TTC27: variants seen among roughly 807,000 people sequenced by gnomAD.
TTC27 encodes the protein tetratricopeptide repeat domain 27.
Under a neutral mutation model 115.9 loss-of-function variants are expected in TTC27, and 79 were observed. That is an observed-to-expected ratio of 0.68 (90% confidence interval 0.57 to 0.82). TTC27 has a LOEUF of 0.82. Among genes scored for constraint, TTC27 ranks in the 40% least tolerant of loss-of-function variants. The pLI is 0.00. For missense variants in TTC27, 1,054 were observed against 993.1 expected, an observed-to-expected ratio of 1.06 and a Z score of -0.82; for synonymous variants, 401 against 356.0, an observed-to-expected ratio of 1.13 and a Z score of -1.42.
intron 3 of TTC27, among the ~76,000 whole-genome samples, chr2:32,634,855 C>T (rs920286818): frequency 2.0e-5 from 3 of 151,548 alleles, no homozygotes; most frequent in African/African-American, 7.3e-5. Context: ...TGGGGTTTCT[C>T]CATGTTGGCC....
intron 10 of TTC27, among the ~76,000 whole-genome samples, chr2:32,716,546 T>C (rs2151907940): frequency 6.6e-6 from 1 of 152,332 alleles, no homozygotes; most frequent in South Asian, 2.1e-4. Context: ...ACTTTTTAGA[T>C]AGAATCTGTT....
chr2:32,820,782 T>G, intron 19 of TTC27, 34 bp from the exon 20 acceptor site: 1 of 1,502,376 alleles, frequency 6.7e-7, no homozygotes, highest in Non-Finnish European at 8.9e-7. Context: ...ATTTGTGTTG[T>G]TTTAATACTT....
rs115952228 is a variant in TTC27 at position 32,734,221 on chromosome 2, G to A, written c.1329+298G>A. ...TAACTTCTTTTTTTTTAAGGGATGA[G>A]GTCTTGCTTTACTGTACAGGTTGGA... On this transcript the variant is annotated intron_variant, in intron 11 of 19. Coordinates refer to ENST00000317907, the MANE Select transcript of TTC27 (RefSeq NM_017735.5). Among the ~76,000 whole-genome samples, 1,436 of 151,972 alleles carry A rather than the reference G, an allele frequency of 9.4e-3. 12 individuals are homozygous for A. The highest frequency in any genetic ancestry group is 0.024 in the Middle Eastern group (7 of 294).
intron 4 of TTC27, among the ~76,000 whole-genome samples, chr2:32,642,995 C>T (rs921730427): frequency 6.7e-5 from 10 of 149,962 alleles, no homozygotes; most frequent in East Asian, 2.0e-4. Context: ...TTTGAGACAG[C>T]GTCTTGCTCT....
chr2:32,709,836 T>G (rs1667515589), intron 10 of TTC27, among the ~76,000 whole-genome samples: 1 of 152,222 alleles, frequency 6.6e-6, no homozygotes, highest in Non-Finnish European at 1.5e-5. Context: ...GATTAGCATC[T>G]TCAATTATGG....
At chr2:32,676,525 T>C (rs2151886717) in intron 8 of TTC27, among the ~76,000 whole-genome samples, 1 of 145,044 alleles carries the variant, frequency 6.9e-6, no homozygotes, top group Non-Finnish European at 1.5e-5. Context: ...GGATTCTTGC[T>C]CTGTTGCCCA....
At chr2:32,745,054 CAAAAAAAAAAAAA>C (rs57044153) in intron 12 of TTC27, among the ~76,000 whole-genome samples, 3 of 49,884 alleles carry the variant, frequency 6.0e-5, no homozygotes, top group Admixed American at 3.3e-4. Context: ...AACTCTGTCT[CAAAAAAAAAAAAA>C]AAAAAAAAAA....
chr2:32,733,786 A>G, intron 10 of TTC27, 42 bp from the exon 11 acceptor site: 1 of 1,260,150 alleles, frequency 7.9e-7, no homozygotes, highest in Non-Finnish European at 1.1e-6. Context: ...TTATATTATA[A>G]GTTATACATA....
At chr2:32,778,579 T>C (rs536204597) in intron 14 of TTC27, among the ~76,000 whole-genome samples, 66 of 152,342 alleles carry the variant, frequency 4.3e-4, no homozygotes, top group African/African-American at 1.5e-3. Context: ...GAACATTTCA[T>C]ATAAATGGAT....
chr2:32,697,326 T>C (rs1461893975), intron 9 of TTC27, among the ~76,000 whole-genome samples: 2 of 152,256 alleles, frequency 1.3e-5, no homozygotes, highest in Admixed American at 6.5e-5. Flanking sequence ...AACTCTGTGC[T>C]TATTTAACCT....
In TTC27 at chr2:32,762,877, T is replaced by A. The variant is rs1669494400; in HGVS notation, c.1680+4358T>A. Among the ~76,000 whole-genome samples, 4 of 152,268 alleles carry A rather than the reference T, an allele frequency of 2.6e-5. No homozygotes were observed. In the South Asian group the frequency reaches 8.3e-4, roughly 32 times the overall value. On this transcript the variant is annotated intron_variant, in intron 13 of 19. Coordinates refer to ENST00000317907, the MANE Select transcript of TTC27 (RefSeq NM_017735.5). ...GGCTGGTCTTGAACTCCTGACCTTG[T>A]GATCCGCCCGCCTCGGTCTCCCAAA...
chr2:32,740,489 T>C (rs1262823810), intron 12 of TTC27, among the ~76,000 whole-genome samples: 1 of 151,278 alleles, frequency 6.6e-6, no homozygotes, highest in Non-Finnish European at 1.5e-5. Flanking sequence ...CTTTATACAG[T>C]TTAAAAGATT....
At chr2:32,812,866 T>C (rs931240039) in intron 18 of TTC27, among the ~76,000 whole-genome samples, 1 of 152,220 alleles carries the variant, frequency 6.6e-6, no homozygotes, top group Non-Finnish European at 1.5e-5. Context: ...GGAAACTTTT[T>C]TAGAGATGTG....
Position 32,634,127 on chromosome 2 carries a change from A to T in TTC27, c.396+122A>T, listed in dbSNP as rs77983633. 890 of 1,134,122 alleles carry T rather than the reference A, an allele frequency of 7.8e-4. 6 individuals carry two copies. The African/African-American group carries it at 0.013, about 17-fold the overall frequency. 70.3% of individuals were successfully genotyped at this position (1,134,122 alleles called of 1,614,324 possible). A position where few individuals can be genotyped will look rare whatever the true frequency, so the allele number is the denominator to read the frequency against. On this transcript the variant is annotated intron_variant, in intron 3 of 19. Coordinates refer to ENST00000317907, the MANE Select transcript of TTC27 (RefSeq NM_017735.5). ...ATGACTTTATGGTTTGCACAAAAGT[A>T]CTAAGAATGCTTGTTCATTGATCAG...
At chr2:32,813,806 T>C (rs1472693143) in intron 18 of TTC27, among the ~76,000 whole-genome samples, 4 of 152,210 alleles carry the variant, frequency 2.6e-5, no homozygotes, top group Non-Finnish European at 5.9e-5. Context: ...TATAAATATC[T>C]AATTTCCTGG....
intron 7 of TTC27, among the ~76,000 whole-genome samples, chr2:32,670,549 G>A (rs556605792): frequency 6.6e-6 from 1 of 152,064 alleles, no homozygotes; most frequent in East Asian, 1.9e-4. Flanking sequence ...TTTCTAGCAG[G>A]TATTACTAAT....
chr2:32,680,869 C>G lies in TTC27; in HGVS notation c.1119+1947C>G, dbSNP rs1037678394. ...TCAAACAGTTAATTTTTTAGCATTTCTTGTGTGTGTGGCGGGGGTTCCCTT... is the reference window on the plus strand; with the variant it reads ...TCAAACAGTTAATTTTTTAGCATTTGTTGTGTGTGTGGCGGGGGTTCCCTT... On this transcript the variant is annotated intron_variant, in intron 9 of 19. Coordinates refer to ENST00000317907, the MANE Select transcript of TTC27 (RefSeq NM_017735.5). Among the ~76,000 whole-genome samples, 4 of 152,270 alleles carry G rather than the reference C, an allele frequency of 2.6e-5. No homozygotes were observed. The South Asian group carries it at 8.3e-4, about 32-fold the overall frequency.
At chr2:32,630,853 A>C (rs1207264001) in intron 2 of TTC27, among the ~76,000 whole-genome samples, 153 bp downstream of exon 2, 1 of 152,244 alleles carries the variant, frequency 6.6e-6, no homozygotes, top group Non-Finnish European at 1.5e-5. Context: ...GTAAAAACTC[A>C]TCCAGAAGTC....
intron 4 of TTC27, among the ~76,000 whole-genome samples, chr2:32,643,827 G>C (rs969732526): frequency 4.1e-4 from 62 of 152,010 alleles, no homozygotes; most frequent in Admixed American, 1.0e-3. Flanking sequence ...CTGAGGTCAG[G>C]AGTTCGACAC....
Sources: allele counts gnomAD v4.1 joint callset (sites outside exome capture counted in the v4.1 genomes callset), GRCh38; gene constraint gnomAD v4.1.1; transcripts MANE v1.5; gene names NCBI Gene and HGNC (gene_info 2026-07-23, HGNC 2026-07-21).